ICA1: variants seen among roughly 807,000 people sequenced by gnomAD.
The protein encoded by ICA1 is 69 kDa islet cell autoantigen.
A neutral mutation model predicts 71.0 loss-of-function variants in ICA1; 40 were observed. That is an observed-to-expected ratio of 0.56 (90% confidence interval 0.44 to 0.73). The LOEUF is 0.73. ICA1 is among the 30% of genes least tolerant of loss of function. The pLI is 0.00. For missense variants in ICA1, 578 were observed against 576.5 expected (o/e 1.00, Z -0.03); for synonymous variants, 207 against 209.5 (o/e 0.99, Z 0.10).
chr7:8,125,033 C>T (rs1788623770), intron 13 of ICA1, among the ~76,000 whole-genome samples: 1 of 152,160 alleles, frequency 6.6e-6, no homozygotes, highest in East Asian at 1.9e-4. Flanking sequence ...AAGCCATCTG[C>T]CCACCTCCGC....
intron 8 of ICA1, among the ~76,000 whole-genome samples, chr7:8,149,449 T>TA (rs1261366186): frequency 1.3e-5 from 2 of 152,228 alleles, no homozygotes; most frequent in African/African-American, 4.8e-5. Flanking sequence ...CAGTAGTATG[T>TA]AAGATCAGCG....
At chr7:8,151,157 C>G (rs1212335964) in intron 8 of ICA1, among the ~76,000 whole-genome samples, 1 of 152,250 alleles carries the variant, frequency 6.6e-6, no homozygotes. Flanking sequence ...TTTCACCTCA[C>G]CCTTTGCAGA....
chr7:8,251,406 G>A (rs1019071712), intron 1 of ICA1, among the ~76,000 whole-genome samples: 6 of 149,612 alleles, frequency 4.0e-5, no homozygotes, highest in African/African-American at 1.2e-4. Context: ...TCACTTCAGC[G>A]ATCTGGCTTC....
chr7:8,176,021 AT>A (rs1780523138), intron 6 of ICA1, among the ~76,000 whole-genome samples: 1 of 152,224 alleles, frequency 6.6e-6, no homozygotes, highest in Non-Finnish European at 1.5e-5. Flanking sequence ...CAACTGTTTC[AT>A]TCTGCAACTC....
Position 8,222,750 on chromosome 7 carries a change from C to T in ICA1, c.257-1352G>A, listed in dbSNP as rs1300061458. ...TCTGTCTCTCAAAAATCAAGTTCACCATCAAAGGCCTGCTCGCAGGTTCCT... is the reference window on the plus strand; with the variant it reads ...TCTGTCTCTCAAAAATCAAGTTCACTATCAAAGGCCTGCTCGCAGGTTCCT... On this transcript the variant is annotated intron_variant, in intron 4 of 13. Coordinates refer to ENST00000402384, the MANE Select transcript of ICA1 (RefSeq NM_001136020.3). This position sits in a 1 kb window ranked among gnomAD's most constrained non-coding sequence, Gnocchi z 4.8. 6.6e-6 allele frequency among the ~76,000 whole-genome samples: 1 copy of T among 152,156 alleles called. No homozygotes were observed. The highest frequency in any genetic ancestry group is 1.5e-5 in the Non-Finnish European group (1 of 68,024).
chr7:8,232,662 A>G lies in ICA1; in HGVS notation c.111T>C (p.Phe37=). 2 of 1,613,642 alleles carry G rather than the reference A, an allele frequency of 1.2e-6. No individual in the cohort carries two copies. Among genetic ancestry groups the G allele is most frequent in the East Asian group, 2.2e-5 (1 of 44,864 alleles). The change falls in exon 3 of 14, where the codon TTT becomes TTC. Residue 37 remains phenylalanine, a synonymous_variant. Coordinates refer to ENST00000402384, the MANE Select transcript of ICA1 (RefSeq NM_001136020.3). ...QQKYWETKQA[F]IKATGKKEDE... ...CTTCCTTCTTCCCTGTGGCTTTAAT[A>G]AAGGCCTGCTTCGTCTCCCAATATT...
intron 13 of ICA1, among the ~76,000 whole-genome samples, chr7:8,121,493 C>T (rs186164780): frequency 6.6e-6 from 1 of 152,190 alleles, no homozygotes; most frequent in East Asian, 1.9e-4. Context: ...TGAACTAAGC[C>T]AGGCGCAGAA....
intron 1 of ICA1, among the ~76,000 whole-genome samples, chr7:8,248,730 C>T (rs926307873): frequency 1.3e-5 from 2 of 151,964 alleles, no homozygotes; most frequent in African/African-American, 2.4e-5. Context: ...CTCAACCTCT[C>T]GAAAGAAAAG....
intron 3 of ICA1, among the ~76,000 whole-genome samples, chr7:8,230,303 C>A (rs1158640389): frequency 6.6e-6 from 1 of 152,138 alleles, no homozygotes; most frequent in Non-Finnish European, 1.5e-5. Context: ...AGAATCTGAC[C>A]AATATTATAG....
At chr7:8,116,744 C>G (rs910260100) in intron 13 of ICA1, among the ~76,000 whole-genome samples, 2 of 152,210 alleles carry the variant, frequency 1.3e-5, no homozygotes, top group East Asian at 3.8e-4. Context: ...AGTAACTGCA[C>G]ATCTTCTCGA....
At chr7:8,116,942 C>A (rs889269199) in intron 13 of ICA1, among the ~76,000 whole-genome samples, 1 of 152,204 alleles carries the variant, frequency 6.6e-6, no homozygotes. Context: ...TGTCCCCACC[C>A]AAATCTCACC....
intron 8 of ICA1, among the ~76,000 whole-genome samples, chr7:8,152,831 T>C (rs1190911611): frequency 1.1e-3 from 68 of 62,292 alleles, no homozygotes; most frequent in South Asian, 1.9e-3. Flanking sequence ...TCAACACCAC[T>C]ACCCCCACCA....
intron 4 of ICA1, among the ~76,000 whole-genome samples, chr7:8,225,507 C>A (rs543570080): frequency 5.3e-5 from 8 of 152,326 alleles, no homozygotes; most frequent in Non-Finnish European, 1.0e-4. Context: ...CTAGAATCAA[C>A]CACTTCTCCA....
intron 1 of ICA1, among the ~76,000 whole-genome samples, chr7:8,250,161 G>A (rs1034298443): frequency 1.1e-4 from 17 of 152,176 alleles, no homozygotes; most frequent in African/African-American, 4.1e-4. Flanking sequence ...TTTGGGCAAA[G>A]TATGTTTTCA....
rs576605027 is a variant in ICA1 at position 8,174,597 on chromosome 7, C to A, written c.580-15945G>T. Among the ~76,000 whole-genome samples the A allele has an allele frequency of 2.6e-5, 4 of 151,670 alleles. No individual in the cohort carries two copies. The East Asian group carries it at 7.8e-4, about 29-fold the overall frequency. On this transcript the variant is annotated intron_variant, in intron 6 of 13. Coordinates refer to ENST00000402384, the MANE Select transcript of ICA1 (RefSeq NM_001136020.3). ...TCGCTTGAGCTCAGGAGTTTCAGAC[C>A]AGCTTGGGCAACGTGGCAAAACCGG...
At chr7:8,145,664 A>G (rs1463604146) in intron 8 of ICA1, among the ~76,000 whole-genome samples, 1 of 151,032 alleles carries the variant, frequency 6.6e-6, no homozygotes, top group East Asian at 1.9e-4. Context: ...AAAATTACTC[A>G]TAATTCCATA....
At chr7:8,205,052 CT>C (rs1791018185) in intron 6 of ICA1, among the ~76,000 whole-genome samples, 2 of 117,890 alleles carry the variant, frequency 1.7e-5, no homozygotes, top group East Asian at 2.8e-4. Context: ...TTAGCTGTTG[CT>C]TTTTATTTTA....
At chr7:8,134,704 A>G (rs187999459) in intron 12 of ICA1, among the ~76,000 whole-genome samples, 1 of 152,314 alleles carries the variant, frequency 6.6e-6, no homozygotes, top group East Asian at 1.9e-4. Context: ...AGAAAAACAT[A>G]TTCTATATTA....
At chr7:8,138,933 GGAGTTT>G in intron 11 of ICA1, 46 bp downstream of exon 11, 1 of 1,596,114 alleles carries the variant, frequency 6.3e-7, no homozygotes, top group Non-Finnish European at 8.6e-7. Flanking sequence ...CATTTTGTGA[GGAGTTT>G]GAGTCAAATA....
Sources: allele counts gnomAD v4.1 joint callset (sites outside exome capture counted in the v4.1 genomes callset), GRCh38; gene constraint gnomAD v4.1.1; non-coding constraint Gnocchi (gnomAD v3.1); transcripts MANE v1.5; gene names NCBI Gene and HGNC (gene_info 2026-07-23, HGNC 2026-07-21).